HECW2: variants seen among roughly 807,000 people sequenced by gnomAD.
The protein encoded by HECW2 is E3 ubiquitin-protein ligase HECW2.
In HECW2, 61 loss-of-function variants were observed where a neutral mutation model predicts 175.2. The observed-to-expected ratio is 0.35, with a 90% CI of 0.28 to 0.43. The LOEUF is 0.43. Ranked by LOEUF, HECW2 falls within the 20% of genes least tolerant of loss-of-function variation. The pLI is 1.00. For synonymous variants in HECW2, 671 were observed against 731.0 expected (o/e 0.92, Z 1.32); for missense variants, 1,524 against 2,000.5 (o/e 0.76, Z 4.54).
intron 1 of HECW2, among the ~76,000 whole-genome samples, chr2:196,521,996 C>A (rs1688414835): frequency 6.6e-6 from 1 of 152,088 alleles, no homozygotes; most frequent in South Asian, 2.1e-4. Flanking sequence ...GGGTATATAC[C>A]CAGTAATGGG....
intron 2 of HECW2, among the ~76,000 whole-genome samples, chr2:196,358,766 G>C (rs760707540): frequency 6.6e-6 from 1 of 151,610 alleles, no homozygotes; most frequent in Non-Finnish European, 1.5e-5. Context: ...TAAAACAAAG[G>C]CATGCTTATT....
chr2:196,386,760 C>T (rs1335773172), intron 2 of HECW2, among the ~76,000 whole-genome samples: 1 of 152,040 alleles, frequency 6.6e-6, no homozygotes, highest in African/African-American at 2.4e-5. Flanking sequence ...ATTAAATGTA[C>T]AAAAACATAC....
At chr2:196,572,225 T>C (rs1690413661) in intron 1 of HECW2, among the ~76,000 whole-genome samples, 1 of 152,176 alleles carries the variant, frequency 6.6e-6, no homozygotes, top group South Asian at 2.1e-4. Context: ...CTGTGTTGCC[T>C]AAGTTGGAGT....
rs1481612989 is a variant in HECW2 at position 196,197,287 on chromosome 2, G to A, written c.*3990C>T. On this transcript the variant is annotated 3_prime_UTR_variant, in exon 29 of 29. Transcript: ENST00000644978. ...TCATTATAAGATATTTGCCTTGTTA[G>A]AAGTGGTCCAATCATAAATAAAATT... The A allele has an allele frequency of 6.6e-6, 1 of 151,012 alleles. No individual in the cohort carries two copies. Among genetic ancestry groups the A allele is most frequent in the East Asian group, 1.9e-4 (1 of 5,186 alleles). The allele number at this position is 151,012 out of a possible 1,614,324, so 9.4% of individuals were successfully genotyped here.
chr2:196,355,536 A>G (rs546557198), intron 2 of HECW2, among the ~76,000 whole-genome samples: 1 of 152,374 alleles, frequency 6.6e-6, no homozygotes, highest in African/African-American at 2.4e-5. Flanking sequence ...AGAGCAGAGT[A>G]AATGCTCTTT....
chr2:196,259,492 T>C (rs995830201), intron 17 of HECW2, among the ~76,000 whole-genome samples: 5 of 152,226 alleles, frequency 3.3e-5, no homozygotes, highest in African/African-American at 9.6e-5. Context: ...TTTTATATGA[T>C]AGATGAAGCA....
chr2:196,280,995 A>G lies in HECW2; in HGVS notation c.3001-2333T>C, dbSNP rs144574625. Among the ~76,000 whole-genome samples the G allele has an allele frequency of 4.6e-5, 7 of 152,312 alleles. No homozygotes were observed. The East Asian group carries it at 1.2e-3, about 25-fold the overall frequency. On this transcript the variant is annotated intron_variant, in intron 14 of 28. Transcript: ENST00000644978. ...GAGCATAAATTAGAATGGCCTATTT[A>G]CCTAATTTCTTAGGAATGTTTTGAA... is the stretch of plus-strand genomic sequence containing the variant.
At chr2:196,250,328 T>G (rs1376105019) in intron 19 of HECW2, among the ~76,000 whole-genome samples, 3 of 152,244 alleles carry the variant, frequency 2.0e-5, no homozygotes, top group Admixed American at 1.3e-4. Context: ...TATGTTCCAG[T>G]TGTTAATGGT....
chr2:196,326,420 C>T (rs909413441), intron 5 of HECW2, among the ~76,000 whole-genome samples: 12 of 150,718 alleles, frequency 8.0e-5, no homozygotes, highest in Non-Finnish European at 1.6e-4. Context: ...GATATATCTG[C>T]AAATATTTAA....
chr2:196,520,690 C>A (rs1029160607), intron 1 of HECW2, among the ~76,000 whole-genome samples: 1 of 152,172 alleles, frequency 6.6e-6, no homozygotes. Flanking sequence ...AAATGTCTCA[C>A]ATCAGTTTGT....
At chr2:196,489,583 G>A (rs576085958) in intron 1 of HECW2, among the ~76,000 whole-genome samples, 10 of 152,226 alleles carry the variant, frequency 6.6e-5, no homozygotes, top group Middle Eastern at 3.4e-3. Context: ...CATCCCTGGC[G>A]TGTGAAGGAA....
intron 1 of HECW2, among the ~76,000 whole-genome samples, chr2:196,585,501 G>A (rs10206034): frequency 0.036 from 5,491 of 152,194 alleles, 337 homozygotes; most frequent in African/African-American, 0.12. Context: ...GCTGGATATC[G>A]GACATTAGGA....
chr2:196,513,960 C>T (rs1320979367), intron 1 of HECW2, among the ~76,000 whole-genome samples: 6 of 152,188 alleles, frequency 3.9e-5, no homozygotes, highest in Non-Finnish European at 7.3e-5. Flanking sequence ...GTGGGGGAGG[C>T]GCTGCTGGGG....
At chr2:196,509,940 T>A (rs1205132318) in intron 1 of HECW2, among the ~76,000 whole-genome samples, 1 of 152,242 alleles carries the variant, frequency 6.6e-6, no homozygotes, top group Non-Finnish European at 1.5e-5. Context: ...TCTTTTAAGA[T>A]ATTAATGTAA....
chr2:196,535,772 G>A (rs1688999936), intron 1 of HECW2, among the ~76,000 whole-genome samples: 1 of 152,206 alleles, frequency 6.6e-6, no homozygotes, highest in South Asian at 2.1e-4. Context: ...CAGTTTAGAA[G>A]AAGAGACTCC....
chr2:196,544,823 AG>A (rs1401800794), intron 1 of HECW2, among the ~76,000 whole-genome samples: 2 of 148,654 alleles, frequency 1.3e-5, no homozygotes, highest in Non-Finnish European at 2.9e-5. Context: ...AGTAAAGAAC[AG>A]GGGCTGGGGG....
chr2:196,203,831 C>T (rs939522292), intron 28 of HECW2, among the ~76,000 whole-genome samples: 23 of 152,172 alleles, frequency 1.5e-4, no homozygotes, highest in Non-Finnish European at 2.4e-4. Flanking sequence ...CTGCATCTCG[C>T]AAAACTGAAA....
intron 28 of HECW2, among the ~76,000 whole-genome samples, chr2:196,204,305 TC>T (rs2105765204): frequency 6.6e-6 from 1 of 152,208 alleles, no homozygotes; most frequent in East Asian, 1.9e-4. Context: ...TTCCAATTTC[TC>T]TACATCCTCA....
In HECW2 at chr2:196,217,149, C is replaced by G. The variant is rs923779147; in HGVS notation, c.4409-56G>C. The G allele has an allele frequency of 9.4e-6, 12 of 1,270,084 alleles. No individual in the cohort carries two copies. The Admixed American group carries it at 1.0e-4, about 11-fold the overall frequency. The allele number at this position is 1,270,084 out of a possible 1,614,324, so 78.7% of individuals were successfully genotyped here. On this transcript the variant is annotated intron_variant, in intron 26 of 28. Transcript: ENST00000644978. The stretch of plus-strand genomic sequence containing the variant: ...CTTTGACTCTTCTATATTAAGCCAC[C>G]AAGATACGTGACACGAAGAGTCCCC...
Sources: allele counts gnomAD v4.1 joint callset (sites outside exome capture counted in the v4.1 genomes callset), GRCh38; gene constraint gnomAD v4.1.1; transcripts MANE v1.5; gene names NCBI Gene and HGNC (gene_info 2026-07-23, HGNC 2026-07-21).